Variants in RIN2 observed in about 807,000 individuals in gnomAD.
RIN2 encodes the protein Ras and Rab interactor 2.
A neutral mutation model predicts 78.0 loss-of-function variants in RIN2; 36 were observed. That is an observed-to-expected ratio of 0.46 (90% CI 0.35 to 0.61). The LOEUF is 0.61. Ranked by LOEUF, RIN2 falls within the 20% of genes least tolerant of loss-of-function variation. RIN2 has a pLI of 0.00. For synonymous variants in RIN2, 466 were observed against 466.8 expected (o/e 1.00, Z 0.02); for missense variants, 1,087 against 1,159.7 (o/e 0.94, Z 0.91).
intron 1 of RIN2, among the ~76,000 whole-genome samples, chr20:19,779,251 G>T (rs761945398): frequency 3.9e-5 from 6 of 152,078 alleles, no homozygotes; most frequent in Non-Finnish European, 8.8e-5. Context: ...TATAGCAAAT[G>T]CTGTGTCCTG....
At chr20:19,882,766 T>C (rs748635969) in intron 2 of RIN2, among the ~76,000 whole-genome samples, 1 of 152,228 alleles carries the variant, frequency 6.6e-6, no homozygotes, top group Non-Finnish European at 1.5e-5. Context: ...GTTTTCAAAC[T>C]GCACTAGTCC....
intron 2 of RIN2, among the ~76,000 whole-genome samples, chr20:19,839,956 G>C (rs186584399): frequency 6.6e-6 from 1 of 152,330 alleles, no homozygotes; most frequent in East Asian, 1.9e-4. Context: ...ATTTGAAAGA[G>C]TAGCTATTTA....
At chr20:19,987,863 T>C (rs2042670350) in intron 9 of RIN2, among the ~76,000 whole-genome samples, 1 of 152,152 alleles carries the variant, frequency 6.6e-6, no homozygotes, top group Admixed American at 6.5e-5. Context: ...ACCTTTGTAT[T>C]TAAACAAAGA....
At chr20:19,998,282 ATT>A (rs35675025) in intron 12 of RIN2, among the ~76,000 whole-genome samples, 91 of 144,498 alleles carry the variant, frequency 6.3e-4, no homozygotes, top group African/African-American at 2.1e-3. Flanking sequence ...GCGCCTGGCC[ATT>A]TTTTTTTTTT....
chr20:19,788,439 A>AACAAAAAAAC (rs1555818734), intron 1 of RIN2, among the ~76,000 whole-genome samples: 6 of 132,994 alleles, frequency 4.5e-5, no homozygotes, highest in African/African-American at 2.0e-4. Flanking sequence ...TGCCAAAAAA[A>AACAAAAAAAC]AAAAAAAAAA....
intron 3 of RIN2, among the ~76,000 whole-genome samples, chr20:19,930,893 C>T (rs2040415126): frequency 6.6e-6 from 1 of 152,196 alleles, no homozygotes; most frequent in Non-Finnish European, 1.5e-5. Flanking sequence ...AAACCACACA[C>T]CATATTAAAA....
At position 19,956,732 on chromosome 20, in the gene RIN2, C is replaced by A. The variant is rs202212179; in HGVS notation, c.276C>A (p.His92Gln). The A allele has an allele frequency of 3.3e-4, 539 of 1,610,062 alleles. 1 individual carries two copies. The African/African-American group carries it at 6.5e-3, about 19-fold the overall frequency. ...NRLSILDRLL[H>Q]THPIWLQLSL... ...TCAGCATCTTGGACCGGCTCCTCCA[C>A]ACCCACCCCATATGGCTGCAGCTGA... The change falls in exon 5 of 13, where the codon CAC (histidine) becomes CAA (glutamine). Residue 92 changes from histidine (H) to glutamine (Q), a missense_variant. Physicochemically the swap from His to Gln is conservative, Grantham distance 24. Around this residue, in one of 8 missense-constraint regions of RIN2, gnomAD observed 706 missense variants for 667.5 expected, o/e 1.06. Coordinates refer to ENST00000255006, the MANE Select transcript of RIN2 (RefSeq NM_018993.4).
At chr20:19,849,490 A>T (rs2036892445) in intron 2 of RIN2, among the ~76,000 whole-genome samples, 2 of 152,180 alleles carry the variant, frequency 1.3e-5, no homozygotes, top group Non-Finnish European at 2.9e-5. Context: ...GCTCAGCAGC[A>T]AAGTTGCAGA....
At chr20:19,831,196 C>T (rs1324517015) in intron 2 of RIN2, among the ~76,000 whole-genome samples, 3 of 152,188 alleles carry the variant, frequency 2.0e-5, no homozygotes, top group Non-Finnish European at 4.4e-5. Context: ...CAACTGCTCT[C>T]AGCAAGGAGA....
At chr20:19,815,748 CCA>C (rs1394641630) in intron 2 of RIN2, among the ~76,000 whole-genome samples, 1 of 152,238 alleles carries the variant, frequency 6.6e-6, no homozygotes, top group Non-Finnish European at 1.5e-5. Context: ...GCCCGCTACA[CCA>C]CAGAGTCCTG....
chr20:19,989,328 C>T (rs932039417), intron 9 of RIN2, among the ~76,000 whole-genome samples: 2 of 140,894 alleles, frequency 1.4e-5, no homozygotes, highest in African/African-American at 5.4e-5. Context: ...GGTTGGAGTG[C>T]AGTGGCACAA....
intron 3 of RIN2, among the ~76,000 whole-genome samples, chr20:19,917,481 A>C (rs2039733454): frequency 6.6e-6 from 1 of 152,236 alleles, no homozygotes; most frequent in Non-Finnish European, 1.5e-5. Context: ...GAAATTTAAA[A>C]AGTGTAAAGA....
intron 2 of RIN2, among the ~76,000 whole-genome samples, chr20:19,884,620 C>A (rs2038124411): frequency 6.6e-6 from 1 of 151,988 alleles, no homozygotes; most frequent in Non-Finnish European, 1.5e-5. Flanking sequence ...AACAGTGATC[C>A]AAGACACTTT....
At chr20:19,984,540 G>A (rs912134017) in intron 9 of RIN2, among the ~76,000 whole-genome samples, 7 of 152,216 alleles carry the variant, frequency 4.6e-5, no homozygotes, top group Non-Finnish European at 1.0e-4. Flanking sequence ...GCTGAGGTGG[G>A]TGGATCACCT....
intron 2 of RIN2, chr20:19,872,215 G>A (rs111423262): frequency 6.6e-6 from 1 of 152,078 alleles, no homozygotes; most frequent in African/African-American, 2.4e-5. Context: ...CACTATGATT[G>A]TAAGTTGCCT....
intron 2 of RIN2, chr20:19,889,188 G>A (rs954994081): frequency 1.0e-6 from 1 of 985,432 alleles, no homozygotes; most frequent in Non-Finnish European, 1.2e-6. Context: ...TCCTTCTTCA[G>A]CTGTCCCTCT....
intron 1 of RIN2, among the ~76,000 whole-genome samples, chr20:19,759,222 C>A (rs2033526274): frequency 6.6e-6 from 1 of 152,194 alleles, no homozygotes; most frequent in Non-Finnish European, 1.5e-5. Flanking sequence ...CCCTGAGAGG[C>A]GCCTGTCTTC....
rs755714501 is a variant in RIN2, at chr20:20,001,641, G to A, written c.*705G>A. ...AGACTGCTGGATTTCTTAAAGCAAC[G>A]TATTCCTGACACTGGCCACAGAATG... On this transcript the variant is annotated 3_prime_UTR_variant, in exon 13 of 13. Coordinates refer to ENST00000255006, the MANE Select transcript of RIN2 (RefSeq NM_018993.4). 3 of 152,526 alleles carry A rather than the reference G, an allele frequency of 2.0e-5. No homozygotes were observed. Among genetic ancestry groups the A allele is most frequent in the Admixed American group, 6.6e-5 (1 of 15,250 alleles). 9.4% of individuals were successfully genotyped at this position (152,526 alleles called of 1,614,324 possible). A position where few individuals can be genotyped will look rare whatever the true frequency, so the allele number is the denominator to read the frequency against.
intron 8 of RIN2, among the ~76,000 whole-genome samples, chr20:19,973,123 A>T (rs2042158418): frequency 6.6e-6 from 1 of 152,208 alleles, no homozygotes; most frequent in African/African-American, 2.4e-5. Flanking sequence ...TTCACAGTTA[A>T]AAAGGTAGAT....
Sources: gnomAD v4.1 joint callset for allele counts (sites outside exome capture counted in the v4.1 genomes callset) on GRCh38, gnomAD v4.1.1 for gene constraint, gnomAD v4.1.1 regional missense constraint, MANE v1.5 for transcripts, NCBI Gene and HGNC (gene_info 2026-07-23, HGNC 2026-07-21) for gene names.